Variants in HERC1 observed in about 807,000 individuals in gnomAD.
HERC1 encodes the protein HECT and RLD domain containing E3 ubiquitin protein ligase family member 1, also known as probable E3 ubiquitin-protein ligase HERC1.
Under a neutral mutation model 554.3 loss-of-function variants are expected in HERC1, and 160 were observed. That is an observed-to-expected ratio of 0.29 (90% CI 0.25 to 0.33). The LOEUF (loss-of-function observed/expected upper bound fraction) is 0.33, where lower values mean the gene tolerates loss of function less well. Among genes scored for constraint, HERC1 ranks in the 10% least tolerant of loss-of-function variants. The probability of loss-of-function intolerance (pLI) is 1.00; values close to 1 mark genes in which losing one functional copy is unlikely to be tolerated. For synonymous variants in HERC1, 2,175 were observed against 2,131.7 expected, an observed-to-expected ratio of 1.02 and a Z score of -0.56; for missense variants, 4,919 against 5,918.5, an observed-to-expected ratio of 0.83 and a Z score of 5.54.
At chr15:63,737,039 A>G (rs925796455) in intron 12 of HERC1, among the ~76,000 whole-genome samples, 3 of 152,164 alleles carry the variant, frequency 2.0e-5, no homozygotes, top group Non-Finnish European at 4.4e-5. Context: ...CATAGAAACA[A>G]GAACAAAAAT....
At chr15:63,824,644 C>T (rs1053765434) in intron 1 of HERC1, among the ~76,000 whole-genome samples, 2 of 152,098 alleles carry the variant, frequency 1.3e-5, no homozygotes, top group East Asian at 3.8e-4. Flanking sequence ...AGCTGCACTC[C>T]CATGTTCACT....
Position 63,654,235 on chromosome 15 carries a change from C to T in HERC1, c.10174G>A (p.Val3392Met), listed in dbSNP as rs764959342. 14 of 1,613,832 alleles carry T rather than the reference C, an allele frequency of 8.7e-6. No individual in the cohort carries two copies. The highest frequency in any genetic ancestry group is 1.3e-5 in the African/African-American group (1 of 74,900). The change falls in exon 51 of 78, where the codon GTG (valine) becomes ATG (methionine). Residue 3392 changes from valine to methionine, a missense_variant. Physicochemically the swap from Val to Met is conservative, Grantham distance 21. Transcript: ENST00000443617. ...CGGTCGTGTGCAGCAAGAGTGCGCA[C>T]GAGTTGCTGAGCTGCCCATTGCCGA... The part of the protein sequence containing the change: ...QHRQWAAQQL[V>M]RTLAAHDRDN...
intron 3 of HERC1, among the ~76,000 whole-genome samples, chr15:63,759,845 T>A (rs928852129): frequency 6.6e-6 from 1 of 152,238 alleles, no homozygotes; most frequent in Non-Finnish European, 1.5e-5. Flanking sequence ...ATACTTTAAA[T>A]AGTATCCAAA....
chr15:63,667,469 A>C (rs1248126223), intron 40 of HERC1, among the ~76,000 whole-genome samples: 1 of 152,244 alleles, frequency 6.6e-6, no homozygotes, highest in Admixed American at 6.5e-5. Context: ...GTCTGAATAG[A>C]AAAATACACT....
At chr15:63,640,102 C>T in intron 61 of HERC1, 50 bp downstream of exon 61, 2 of 1,558,680 alleles carry the variant, frequency 1.3e-6, no homozygotes, top group Non-Finnish European at 8.8e-7. Context: ...ATGCCCAATA[C>T]CCATGATAAA....
At chr15:63,637,474 C>G (rs2068834261) in intron 64 of HERC1, 31 bp downstream of exon 64, 1 of 1,552,118 alleles carries the variant, frequency 6.4e-7, no homozygotes, top group African/African-American at 1.4e-5. Flanking sequence ...GCCTTAGGTT[C>G]TAACCATCTT....
At position 63,727,112 on chromosome 15, in the gene HERC1, C is replaced by T. The variant is rs1169784906; in HGVS notation, c.3346+535G>A. 1.3e-5 allele frequency among the ~76,000 whole-genome samples: 2 copies of T among 151,998 alleles called. No individual in the cohort carries two copies. Among genetic ancestry groups the T allele is most frequent in the South Asian group, 2.1e-4 (1 of 4,834 alleles). On this transcript the variant is annotated intron_variant, in intron 17 of 77. Transcript: ENST00000443617. The surrounding 1 kb of genome is among the most constrained non-coding windows in gnomAD (Gnocchi z 4.3). ...CCAACATGGTGAAACCCCGTCTCTA[C>T]TAAAAATACAAAAATTAGCTGGACG...
chr15:63,636,651 A>C (rs2068794372), intron 64 of HERC1, among the ~76,000 whole-genome samples: 1 of 152,206 alleles, frequency 6.6e-6, no homozygotes, highest in Non-Finnish European at 1.5e-5. Flanking sequence ...TGGTGATGAC[A>C]AGGAAAACGA....
At chr15:63,645,370 G>A in intron 56 of HERC1, 113 bp downstream of exon 56, 2 of 766,844 alleles carry the variant, frequency 2.6e-6, no homozygotes, top group South Asian at 1.9e-5. Context: ...CACATTATAA[G>A]AATAGCAACT....
chr15:63,708,031 C>T (rs1210922947), intron 24 of HERC1, among the ~76,000 whole-genome samples: 3 of 151,622 alleles, frequency 2.0e-5, no homozygotes, highest in African/African-American at 7.3e-5. Context: ...ATACATGTAC[C>T]CCTGGTGCAG....
At chr15:63,719,743 G>A (rs1410227891) in intron 19 of HERC1, among the ~76,000 whole-genome samples, 1 of 152,188 alleles carries the variant, frequency 6.6e-6, no homozygotes, top group Non-Finnish European at 1.5e-5. Flanking sequence ...TTTGTTGATA[G>A]ATCAGATCTG....
chr15:63,706,205 T>C (rs2153095322), intron 25 of HERC1, among the ~76,000 whole-genome samples: 1 of 152,228 alleles, frequency 6.6e-6, no homozygotes, highest in South Asian at 2.1e-4. Flanking sequence ...TAACTCTCAA[T>C]GACACTCTAA....
At chr15:63,699,607 T>C (rs908804266) in intron 25 of HERC1, among the ~76,000 whole-genome samples, 7 of 152,218 alleles carry the variant, frequency 4.6e-5, no homozygotes, top group Admixed American at 4.6e-4. Context: ...TTACTGCAGG[T>C]TGTGAAACTC....
At chr15:63,819,702 T>C (rs928122453) in intron 1 of HERC1, among the ~76,000 whole-genome samples, 3 of 152,214 alleles carry the variant, frequency 2.0e-5, no homozygotes. Flanking sequence ...TGAACACCCA[T>C]ATATCATGGT....
intron 36 of HERC1, 64 bp from the exon 37 acceptor site, chr15:63,678,429 T>G (rs1271724169): frequency 4.1e-6 from 6 of 1,466,444 alleles, no homozygotes; most frequent in Non-Finnish European, 5.4e-6. Context: ...TCACTATAAA[T>G]TCTAACATGT....
intron 40 of HERC1, among the ~76,000 whole-genome samples, chr15:63,667,111 T>C (rs977440792): frequency 4.6e-5 from 7 of 152,182 alleles, no homozygotes; most frequent in South Asian, 2.1e-4. Flanking sequence ...AGCTATAGTG[T>C]TGGTGGCCAT....
intron 3 of HERC1, 36 bp downstream of exon 3, chr15:63,764,060 A>T (rs572706937): frequency 2.2e-6 from 3 of 1,344,926 alleles, no homozygotes; most frequent in Admixed American, 3.8e-5. Flanking sequence ...ATTTTAACAC[A>T]AAGTTGTTAA....
At chr15:63,650,516 C>T (rs1235263736) in intron 53 of HERC1, among the ~76,000 whole-genome samples, 4 of 151,920 alleles carry the variant, frequency 2.6e-5, no homozygotes, top group African/African-American at 9.7e-5. Flanking sequence ...CTCCCAGGCC[C>T]AAGCAATCCT....
intron 12 of HERC1, among the ~76,000 whole-genome samples, chr15:63,742,249 G>T (rs1173477165): frequency 6.6e-6 from 1 of 151,916 alleles, no homozygotes; most frequent in African/African-American, 2.4e-5. Context: ...TGATGCTTTT[G>T]TACATAAACT....
Sources: gnomAD v4.1 joint callset for allele counts (sites outside exome capture counted in the v4.1 genomes callset) on GRCh38, gnomAD v4.1.1 for gene constraint, Gnocchi (gnomAD v3.1) non-coding constraint, MANE v1.5 for transcripts, NCBI Gene and HGNC (gene_info 2026-07-23, HGNC 2026-07-21) for gene names.